Variants in PKHD1L1 observed in about 807,000 individuals in gnomAD.
PKHD1L1 encodes fibrocystin-L.
In PKHD1L1, 434 loss-of-function variants were observed where a neutral mutation model predicts 462.9. That is an observed-to-expected ratio of 0.94 (90% CI 0.87 to 1.02). The LOEUF (loss-of-function observed/expected upper bound fraction) is 1.02. Ranked by LOEUF, PKHD1L1 falls within the 50% of genes least tolerant of loss-of-function variation. The pLI, the probability that PKHD1L1 is intolerant of heterozygous loss-of-function variation, is 0.00. For missense variants in PKHD1L1, 5,202 were observed against 5,096.1 expected, an observed-to-expected ratio of 1.02 and a Z score of -0.63; for synonymous variants, 1,781 against 1,750.0, an observed-to-expected ratio of 1.02 and a Z score of -0.44.
chr8:109,486,877 A>G (rs1818555781), intron 59 of PKHD1L1, 56 bp downstream of exon 59: 1 of 1,482,542 alleles, frequency 6.7e-7, no homozygotes, highest in Non-Finnish European at 9.2e-7. Flanking sequence ...TCTCATCTAT[A>G]TGTAGTCAGC....
Position 109,508,117 on chromosome 8 carries a change from T to C in PKHD1L1, c.11248T>C (p.Cys3750Arg). Reference protein sequence around the residue: ...PHKGIIRDSTCKYLPEWQSYQ... With the variant: ...PHKGIIRDSTRKYLPEWQSYQ... ...TCTAGGAATTATTAGAGATTCAACC[T>C]GTAAGTACCTTCCAGAGTGGCAGAG... Residue 3750 changes from cysteine (C) to arginine (R), a missense_variant, in exon 70 of 78, where the codon TGT (cysteine) becomes CGT (arginine). Around this residue, in one of 3 missense-constraint regions of PKHD1L1, gnomAD observed 698 missense variants for 736.3 expected, o/e 0.95. Transcript: ENST00000378402. The C allele has an allele frequency of 6.2e-7, 1 of 1,610,084 alleles. No homozygotes were observed. The highest frequency in any genetic ancestry group is 8.5e-7 in the Non-Finnish European group (1 of 1,178,358).
rs1382438904 is a variant in PKHD1L1, at chr8:109,445,011, A to G, written c.5142A>G (p.Thr1714=). ...ATTATACGGCCATTGAATGTGAAACATCCCCTGCTGCCCAACAGCTTGTGG... is the reference window on the plus strand; with the variant it reads ...ATTATACGGCCATTGAATGTGAAACGTCCCCTGCTGCCCAACAGCTTGTGG... ...SVNYTAIECE[T]SPAAQQLVDV... The change falls in exon 38 of 78, where the codon ACA becomes ACG. Residue 1714 remains threonine (T), a synonymous_variant. Transcript: ENST00000378402. 2 of 1,614,010 alleles carry G rather than the reference A, an allele frequency of 1.2e-6. No homozygotes were observed. The highest frequency in any genetic ancestry group is 1.7e-5 in the Admixed American group (1 of 60,016).
chr8:109,371,531 G>A (rs1811508510), intron 2 of PKHD1L1, among the ~76,000 whole-genome samples: 1 of 149,746 alleles, frequency 6.7e-6, no homozygotes, highest in African/African-American at 2.5e-5. Flanking sequence ...TGTCAATTTT[G>A]GCTTTTGTTG....
At position 109,445,021 on chromosome 8, in the gene PKHD1L1, G is replaced by A; in HGVS notation, c.5152G>A (p.Ala1718Thr). 6.2e-7 allele frequency: 1 copy of A among 1,613,962 alleles called. No homozygotes were observed. The highest frequency in any genetic ancestry group is 8.5e-7 in the Non-Finnish European group (1 of 1,179,878). Residue 1718 changes from alanine to threonine, a missense_variant, in exon 38 of 78, where the codon GCC (alanine) becomes ACC (threonine). By Grantham distance (58) the Ala-to-Thr change is moderately conservative (BLOSUM62 0). Coordinates refer to ENST00000378402, the MANE Select transcript of PKHD1L1 (RefSeq NM_177531.6). ...CATTGAATGTGAAACATCCCCTGCTGCCCAACAGCTTGTGGATGTAGATCT... is the reference window on the plus strand; with the variant it reads ...CATTGAATGTGAAACATCCCCTGCTACCCAACAGCTTGTGGATGTAGATCT... ...TAIECETSPAAQQLVDVDLLI... is the reference protein window; with the variant it reads ...TAIECETSPATQQLVDVDLLI...
In PKHD1L1 at chr8:109,464,876, G is replaced by A; in HGVS notation, c.8044G>A (p.Gly2682Arg). 1.9e-6 allele frequency: 3 copies of A among 1,613,796 alleles called. No individual in the cohort carries two copies. In the South Asian group the frequency reaches 3.3e-5, roughly 18 times the overall value. Residue 2682 changes from glycine (G) to arginine (R), a missense_variant, in exon 49 of 78, where the codon GGA becomes AGA. Around this residue, in one of 3 missense-constraint regions of PKHD1L1, gnomAD observed 4,497 missense variants for 4,336.8 expected, o/e 1.04. Transcript: ENST00000378402. Reference protein sequence around the residue: ...NFVMVNNYEAGIETKRILAPY... With the variant: ...NFVMVNNYEARIETKRILAPY... ...TGTGATGGTGAATAACTATGAGGCT[G>A]GAATTGAGACTAAGAGGATCCTGGC...
chr8:109,420,854 A>G (rs1332271528), intron 23 of PKHD1L1, among the ~76,000 whole-genome samples, 164 bp downstream of exon 23: 1 of 152,344 alleles, frequency 6.6e-6, no homozygotes, highest in Non-Finnish European at 1.5e-5. Flanking sequence ...TATTAAAAAA[A>G]TTCTTACAGA....
intron 76 of PKHD1L1, among the ~76,000 whole-genome samples, chr8:109,526,409 A>G (rs1324146395): frequency 6.6e-6 from 1 of 152,166 alleles, no homozygotes; most frequent in Admixed American, 6.5e-5. Flanking sequence ...ATGCTTCTCT[A>G]CTGCTAGGTC....
At chr8:109,398,169 T>C (rs908205313) in intron 11 of PKHD1L1, among the ~76,000 whole-genome samples, 1 of 152,180 alleles carries the variant, frequency 6.6e-6, no homozygotes, top group African/African-American at 2.4e-5. Flanking sequence ...AATTCAGAAG[T>C]AACATTTTGT....
chr8:109,380,878 C>T (rs1177744855), intron 2 of PKHD1L1, among the ~76,000 whole-genome samples: 1 of 152,150 alleles, frequency 6.6e-6, no homozygotes, highest in African/African-American at 2.4e-5. Flanking sequence ...TTCTCCTCCT[C>T]TATTCTTTTT....
intron 2 of PKHD1L1, among the ~76,000 whole-genome samples, chr8:109,374,360 G>T (rs929774343): frequency 4.6e-5 from 7 of 151,944 alleles, no homozygotes; most frequent in African/African-American, 9.7e-5. Context: ...TTGGTAGATC[G>T]TCCTCCATCC....
intron 71 of PKHD1L1, among the ~76,000 whole-genome samples, 166 bp from the exon 72 acceptor site, chr8:109,515,004 G>A (rs948906719): frequency 6.6e-6 from 1 of 152,018 alleles, no homozygotes; most frequent in Admixed American, 6.6e-5. Flanking sequence ...TGTATGAATG[G>A]TTGAATGTAA....
chr8:109,513,861 G>A (rs1820129510), intron 71 of PKHD1L1, among the ~76,000 whole-genome samples: 1 of 152,078 alleles, frequency 6.6e-6, no homozygotes, highest in Non-Finnish European at 1.5e-5. Flanking sequence ...AGCCTTTCCT[G>A]GATCATGGTA....
intron 61 of PKHD1L1, 143 bp from the exon 62 acceptor site, chr8:109,491,730 C>A: frequency 2.7e-6 from 2 of 751,748 alleles, no homozygotes; most frequent in Non-Finnish European, 3.9e-6. Context: ...AAGACTCCTT[C>A]GAAACTCTAA....
At chr8:109,430,764 T>G (rs535693880) in intron 27 of PKHD1L1, among the ~76,000 whole-genome samples, 7 of 152,242 alleles carry the variant, frequency 4.6e-5, no homozygotes, top group Middle Eastern at 3.4e-3. Flanking sequence ...CCTAAAAAAT[T>G]ATTAAAATTT....
At chr8:109,427,718 T>A (rs979626179) in intron 25 of PKHD1L1, among the ~76,000 whole-genome samples, 1 of 151,952 alleles carries the variant, frequency 6.6e-6, no homozygotes, top group Non-Finnish European at 1.5e-5. Flanking sequence ...ACTCAGATTG[T>A]CAAACATTAA....
intron 51 of PKHD1L1, among the ~76,000 whole-genome samples, chr8:109,475,655 G>A (rs547390957): frequency 6.6e-6 from 1 of 151,562 alleles, no homozygotes; most frequent in South Asian, 2.1e-4. Context: ...TGGCCAACAT[G>A]GAGAAACCTC....
At position 109,432,758 on chromosome 8, in the gene PKHD1L1, T is replaced by C. The variant is rs1815183884; in HGVS notation, c.3230-348T>C. 2.0e-5 allele frequency among the ~76,000 whole-genome samples: 3 copies of C among 152,184 alleles called. No homozygotes were observed. In the South Asian group the frequency reaches 6.2e-4, roughly 32 times the overall value. On this transcript the variant is annotated intron_variant, in intron 27 of 77. Coordinates refer to ENST00000378402, the MANE Select transcript of PKHD1L1 (RefSeq NM_177531.6). ...TTCCTCATGAATTTGCAATGGCAAG[T>C]CCATCATATACTAAGTTACCATATA...
intron 28 of PKHD1L1, 146 bp downstream of exon 28, chr8:109,433,362 T>G (rs1815218343): frequency 1.5e-6 from 1 of 676,584 alleles, no homozygotes; most frequent in Non-Finnish European, 2.5e-6. Flanking sequence ...GTCATGAAAT[T>G]GGCAACCTGG....
chr8:109,504,480 G>T lies in PKHD1L1; in HGVS notation c.10982G>T (p.Arg3661Met). The T allele has an allele frequency of 6.6e-7, 1 of 1,506,340 alleles. No homozygotes were observed. The highest frequency in any genetic ancestry group is 8.9e-7 in the Non-Finnish European group (1 of 1,120,644). 93.3% of individuals were successfully genotyped at this position (1,506,340 alleles called of 1,614,324 possible). A position where few individuals can be genotyped will look rare whatever the true frequency, so the allele number is the denominator to read the frequency against. Residue 3661 changes from arginine to methionine, a missense_variant, in exon 68 of 78, where the codon AGG (arginine) becomes ATG (methionine). Physicochemically the swap from Arg to Met is moderately conservative, Grantham distance 91. This residue lies in a region of PKHD1L1 where 698 missense variants were observed against 736.3 expected (regional missense o/e 0.95). Transcript: ENST00000378402. ...GAACAATCAAAAATATTTATACATA[G>T]GCCTGATATAAGGTAAAATACATAA... ...TTEQSKIFIH[R>M]PDISKVNPSD... is the part of the protein sequence containing the mutation.
Sources: allele counts gnomAD v4.1 joint callset (sites outside exome capture counted in the v4.1 genomes callset), GRCh38; gene constraint gnomAD v4.1.1; regional missense constraint gnomAD v4.1.1; transcripts MANE v1.5; gene names NCBI Gene and HGNC (gene_info 2026-07-23, HGNC 2026-07-21).